The following QSOX1 variants were observed in gnomAD, a reference collection of about 807,000 sequenced individuals.
QSOX1 encodes quiescin sulfhydryl oxidase 1, also known as sulfhydryl oxidase 1.
Under a neutral mutation model 76.1 loss-of-function variants are expected in QSOX1, and 40 were observed. The ratio of observed to expected loss-of-function variants is 0.53; its 90% CI spans 0.41 to 0.68. The LOEUF (loss-of-function observed/expected upper bound fraction) is 0.68. Among genes scored for constraint, QSOX1 ranks in the 30% least tolerant of loss-of-function variants. QSOX1 has a pLI of 0.00. For missense variants in QSOX1, 931 were observed against 974.3 expected (o/e 0.96, Z 0.59); for synonymous variants, 392 against 413.1 (o/e 0.95, Z 0.62).
intron 5 of QSOX1, 123 bp from the exon 6 acceptor site, chr1:180,182,051 G>A: frequency 2.1e-6 from 2 of 930,434 alleles, no homozygotes; most frequent in Non-Finnish European, 3.2e-6. Flanking sequence ...ACTCTTTGTG[G>A]GTTTAGAGTC....
chr1:180,169,636 C>T (rs771985418), intron 2 of QSOX1, among the ~76,000 whole-genome samples: 5 of 152,250 alleles, frequency 3.3e-5, no homozygotes, highest in Admixed American at 6.5e-5. Flanking sequence ...GCTTCCTTCC[C>T]GTTGTCCCAT....
chr1:180,191,477 GA>G (rs1663308988), intron 10 of QSOX1, among the ~76,000 whole-genome samples: 2 of 152,344 alleles, frequency 1.3e-5, no homozygotes, highest in East Asian at 3.9e-4. Flanking sequence ...TGAATCAGAG[GA>G]ACTGCCAGGC....
At chr1:180,190,279 C>T (rs1456107630) in intron 9 of QSOX1, among the ~76,000 whole-genome samples, 154 bp from the exon 10 acceptor site, 1 of 152,202 alleles carries the variant, frequency 6.6e-6, no homozygotes, top group Non-Finnish European at 1.5e-5. Context: ...GCTGCTGCTT[C>T]AGTGGGTGGA....
Position 180,196,341 on chromosome 1 carries a change from C to T in QSOX1, c.1548C>T (p.Arg516=). The change falls in exon 12 of 12, where the codon CGC becomes CGT. Residue 516 remains arginine (R), a synonymous_variant. Transcript: ENST00000367602. This position sits in a 1 kb window ranked among gnomAD's most constrained non-coding sequence, Gnocchi z 4.1. Reference sequence around the variant, plus strand: ...TTTGTTCTGCCTGCCACAATGAACGCCTGGATGTGCCCGTGTGGGACGTGG... The same window carrying T: ...TTTGTTCTGCCTGCCACAATGAACGTCTGGATGTGCCCGTGTGGGACGTGG... ...RELCSACHNE[R]LDVPVWDVEA... 1 of 1,614,182 alleles carries T rather than the reference C, an allele frequency of 6.2e-7. No individual in the cohort carries two copies. The highest frequency in any genetic ancestry group is 1.3e-5 in the African/African-American group (1 of 75,048).
chr1:180,174,352 T>C (rs1662830373), intron 2 of QSOX1, among the ~76,000 whole-genome samples: 1 of 152,234 alleles, frequency 6.6e-6, no homozygotes, highest in African/African-American at 2.4e-5. Flanking sequence ...TGGGGTGTCA[T>C]GTACATGGGA....
chr1:180,175,483 G>A (rs1438972184), intron 3 of QSOX1, 117 bp downstream of exon 3: 13 of 1,067,108 alleles, frequency 1.2e-5, no homozygotes, highest in Admixed American at 3.5e-5. Flanking sequence ...AGGGTGAGGC[G>A]GTCCCCACGG....
At chr1:180,159,662 CTGTATGTTGGCTGAAACTGGCT>C (rs2149228929) in intron 1 of QSOX1, among the ~76,000 whole-genome samples, 1 of 152,302 alleles carries the variant, frequency 6.6e-6, no homozygotes, top group South Asian at 2.1e-4. Flanking sequence ...GAGGAGACTT[CTGTATGTTGGCTGAAACTGGCT>C]TGTTTGAAGA....
At position 180,186,093 on chromosome 1, in the gene QSOX1, T is replaced by C. The variant is rs1663163602; in HGVS notation, c.928T>C (p.Tyr310His). 1 of 1,614,072 alleles carries C rather than the reference T, an allele frequency of 6.2e-7. No individual in the cohort carries two copies. The highest frequency in any genetic ancestry group is 8.5e-7 in the Non-Finnish European group (1 of 1,180,002). ...YMADLESALH[Y>H]ILRIEVGRFP... ...GGCTGACCTGGAATCTGCACTGCAC[T>C]ACATCCTGCGGATAGAAGTGGGCAG... is the stretch of plus-strand genomic sequence containing the variant. The change falls in exon 8 of 12, where the codon TAC (tyrosine) becomes CAC (histidine). Residue 310 changes from tyrosine (Y) to histidine (H), a missense_variant. Coordinates refer to ENST00000367602, the MANE Select transcript of QSOX1 (RefSeq NM_002826.5).
Position 180,198,594 on chromosome 1 carries a change from CAGCTGG to C in QSOX1, c.*1558_*1563del, listed in dbSNP as rs1225746915. The C allele has an allele frequency of 2.8e-6, 1 of 355,850 alleles. No homozygotes were observed. The highest frequency in any genetic ancestry group is 5.6e-6 in the Non-Finnish European group (1 of 177,280). 22.0% of individuals were successfully genotyped at this position (355,850 alleles called of 1,614,324 possible). Reference sequence around the variant, plus strand: ...TGCCAAGGCCACTCCTGCTATGGGGCAGCTGGGGCTGGGGAGGGATGGCAGTCTCCC... The same window carrying C: ...TGCCAAGGCCACTCCTGCTATGGGGCGGCTGGGGAGGGATGGCAGTCTCCC... On this transcript the variant is annotated 3_prime_UTR_variant, in exon 12 of 12. Transcript: ENST00000367602.
Position 180,198,796 on chromosome 1 carries a change from A to G in QSOX1, c.*1759A>G. 4.4e-6 allele frequency: 1 copy of G among 226,026 alleles called. No individual in the cohort carries two copies. Among genetic ancestry groups the G allele is most frequent in the Non-Finnish European group, 9.0e-6 (1 of 111,060 alleles). 14.0% of individuals were successfully genotyped at this position (226,026 alleles called of 1,614,324 possible). A position where few individuals can be genotyped will look rare whatever the true frequency, so the allele number is the denominator to read the frequency against. On this transcript the variant is annotated 3_prime_UTR_variant, in exon 12 of 12. Transcript: ENST00000367602. The stretch of plus-strand genomic sequence containing the variant: ...CTGGGGGCCTGAGAGACAGACAGGA[A>G]CCCACAATCAGGAGGCAACCCTGGC...
rs74860726 is a variant in QSOX1 at position 180,197,429 on chromosome 1, C to T, written c.*392C>T. The stretch of plus-strand genomic sequence containing the variant: ...GCAAGTGAAGCCAGAGGAGGGTCCC[C>T]CAGCTGGGTGGGCTGGAATGGAACT... On this transcript the variant is annotated 3_prime_UTR_variant, in exon 12 of 12. Coordinates refer to ENST00000367602, the MANE Select transcript of QSOX1 (RefSeq NM_002826.5). The T allele has an allele frequency of 0.024, 38,248 of 1,587,658 alleles. 613 individuals are homozygous for T. Among genetic ancestry groups the T allele is most frequent in the African/African-American group, 0.066 (4,919 of 74,462 alleles).
rs550523973 is a variant in QSOX1 at position 180,197,729 on chromosome 1, G to T, written c.*692G>T. The stretch of plus-strand genomic sequence containing the variant: ...AGTTGGTGGCATGGGAAGGATGTGG[G>T]TCTCTAGTGCCTTGCCCTGGCTTAG... On this transcript the variant is annotated 3_prime_UTR_variant, in exon 12 of 12. Transcript: ENST00000367602. 9.8e-5 allele frequency: 30 copies of T among 306,038 alleles called. No individual in the cohort carries two copies. Among genetic ancestry groups the T allele is most frequent in the African/African-American group, 6.2e-4 (29 of 46,634 alleles). 19.0% of individuals were successfully genotyped at this position (306,038 alleles called of 1,614,324 possible).
In QSOX1 at chr1:180,164,030, A is replaced by G. The variant is rs143991522; in HGVS notation, c.266-2461A>G. Among the ~76,000 whole-genome samples the G allele has an allele frequency of 3.2e-3, 480 of 152,218 alleles. 9 individuals are homozygous for G. Among genetic ancestry groups the G allele is most frequent in the East Asian group, 0.028 (145 of 5,180 alleles). On this transcript the variant is annotated intron_variant, in intron 1 of 11. Transcript: ENST00000367602. ...GCCAACCTAGGACAGGCATGAAGAG[A>G]TGGAGGTTTGGGTGAGGGAAGAGAC...
chr1:180,194,367 C>T lies in QSOX1; in HGVS notation c.1443C>T (p.His481=). 6.4e-7 allele frequency: 1 copy of T among 1,572,056 alleles called. No individual in the cohort carries two copies. The highest frequency in any genetic ancestry group is 1.2e-5 in the South Asian group (1 of 86,052). ...NAAVLWLWSS[H]NRVNARLAGA... ...CTGTCCTCTGGCTCTGGTCTAGCCA[C>T]AACAGGGTCAATGCTCGCCTTGCAG... Residue 481 remains histidine (H), a synonymous_variant, in exon 11 of 12, where the codon CAC becomes CAT. Coordinates refer to ENST00000367602, the MANE Select transcript of QSOX1 (RefSeq NM_002826.5).
chr1:180,164,723 TC>T (rs1374670287), intron 1 of QSOX1, among the ~76,000 whole-genome samples: 2 of 152,190 alleles, frequency 1.3e-5, no homozygotes, highest in Non-Finnish European at 2.9e-5. Context: ...TTCTGAGACG[TC>T]GTAAGGAGTA....
chr1:180,175,489 CACGGGAAGCCTAACTT>C, intron 3 of QSOX1, 123 bp downstream of exon 3: 1 of 1,018,518 alleles, frequency 9.8e-7, no homozygotes, highest in Non-Finnish European at 1.5e-6. Context: ...AGGCGGTCCC[CACGGGAAGCCTAACTT>C]GTGTCTTCCC....
intron 4 of QSOX1, among the ~76,000 whole-genome samples, chr1:180,176,417 C>T (rs1407251914): frequency 1.3e-5 from 2 of 152,188 alleles, no homozygotes; most frequent in Non-Finnish European, 2.9e-5. Flanking sequence ...CCCGGGAAGG[C>T]CACTGAGAGT....
rs758589984 is a variant in QSOX1, at chr1:180,194,293, G to C, written c.1369G>C (p.Glu457Gln). Residue 457 changes from glutamate (E) to glutamine (Q), a missense_variant, in exon 11 of 12, where the codon GAG becomes CAG. Transcript: ENST00000367602. ...CTGCCGAGACTGCGCTAGCCACTTC[G>C]AGCAGATGGCTGCTGCCTCCATGCA... The part of the protein sequence containing the change: ...FGCRDCASHF[E>Q]QMAAASMHRV... 8.1e-6 allele frequency: 13 copies of C among 1,612,566 alleles called. No homozygotes were observed. Among genetic ancestry groups the C allele is most frequent in the Non-Finnish European group, 8.5e-6 (10 of 1,179,140 alleles).
In QSOX1 at chr1:180,199,804, G is replaced by T. The variant is rs1572059271; in HGVS notation, c.*2767G>T. 1 of 151,928 alleles carries T rather than the reference G, an allele frequency of 6.6e-6. No individual in the cohort carries two copies. Among genetic ancestry groups the T allele is most frequent in the Admixed American group, 6.6e-5 (1 of 15,236 alleles). 9.4% of individuals were successfully genotyped at this position (151,928 alleles called of 1,614,324 possible). Reference sequence around the variant, plus strand: ...GAAGCCAGGAAGTGGGAGGGGTGGGGGTCCAGGCTGGAGGGGCCCAATGTA... The same window carrying T: ...GAAGCCAGGAAGTGGGAGGGGTGGGTGTCCAGGCTGGAGGGGCCCAATGTA... On this transcript the variant is annotated 3_prime_UTR_variant, in exon 12 of 12. Transcript: ENST00000367602.
Sources: allele counts gnomAD v4.1 joint callset (sites outside exome capture counted in the v4.1 genomes callset), GRCh38; gene constraint gnomAD v4.1.1; non-coding constraint Gnocchi (gnomAD v3.1); transcripts MANE v1.5; gene names NCBI Gene and HGNC (gene_info 2026-07-23, HGNC 2026-07-21).